RBFOX1: variants seen among roughly 807,000 people sequenced by gnomAD.
RBFOX1 encodes the protein RNA binding protein fox-1 homolog 1.
A neutral mutation model predicts 57.7 loss-of-function variants in RBFOX1; 8 were observed. The ratio of observed to expected loss-of-function variants is 0.14; its 90% CI spans 0.08 to 0.25. RBFOX1 has a LOEUF of 0.25. Ranked by LOEUF, RBFOX1 falls within the 10% of genes least tolerant of loss-of-function variation. The pLI is 1.00. For missense variants in RBFOX1, 611 were observed against 548.5 expected, an observed-to-expected ratio of 1.11 and a Z score of -1.14; for synonymous variants, 326 against 222.4, an observed-to-expected ratio of 1.47 and a Z score of -4.15.
At chr16:6,722,079 TG>T in intron 3 of RBFOX1, 1 of 152,330 alleles carries the variant, frequency 6.6e-6, no homozygotes, top group Non-Finnish European at 1.5e-5. Context: ...CTTTCACCTT[TG>T]GGCTATTATG....
intron 3 of RBFOX1, among the ~76,000 whole-genome samples, chr16:7,021,875 TTCTCTCTC>T (rs1247594461): frequency 6.6e-6 from 1 of 150,906 alleles, no homozygotes; most frequent in East Asian, 2.0e-4. Context: ...AGAACCTTCT[TTCTCTCTC>T]TTTCTTTCTT....
chr16:6,912,004 T>C (rs1343966781), intron 3 of RBFOX1, among the ~76,000 whole-genome samples: 5 of 152,172 alleles, frequency 3.3e-5, no homozygotes, highest in Admixed American at 2.0e-4. Flanking sequence ...TTAAGTAGAG[T>C]AAGATGCATT....
chr16:5,850,285 AG>A (rs2056862863), intron 3 of RBFOX1, among the ~76,000 whole-genome samples: 1 of 152,212 alleles, frequency 6.6e-6, no homozygotes, highest in Admixed American at 6.5e-5. Flanking sequence ...GTGGAGTGAG[AG>A]AAAGGGAAAA....
chr16:6,827,293 C>T (rs2092276104), intron 3 of RBFOX1, among the ~76,000 whole-genome samples: 1 of 151,976 alleles, frequency 6.6e-6, no homozygotes, highest in African/African-American at 2.4e-5. Context: ...TGCTGTCCTC[C>T]AAACCAGGCG....
intron 1 of RBFOX1, among the ~76,000 whole-genome samples, chr16:6,312,998 G>T (rs12932520): frequency 1.3e-5 from 2 of 151,968 alleles, no homozygotes; most frequent in African/African-American, 2.4e-5. Context: ...TGAAGAAAGG[G>T]TGATGGGCTC....
At chr16:5,296,084 CT>C (rs34360119) in intron 1 of RBFOX1, among the ~76,000 whole-genome samples, 87,138 of 152,014 alleles carry the variant, frequency 0.57, 27,642 homozygotes, top group South Asian at 0.74. Flanking sequence ...CGGGTTCCCC[CT>C]GAGCTTCTCC....
intron 3 of RBFOX1, among the ~76,000 whole-genome samples, chr16:5,770,920 C>T (rs535172000): frequency 6.6e-6 from 1 of 152,190 alleles, no homozygotes; most frequent in Non-Finnish European, 1.5e-5. Context: ...GCAAGACAGG[C>T]ACAACCAGTT....
intron 3 of RBFOX1, among the ~76,000 whole-genome samples, chr16:6,662,608 C>A (rs1042064579): frequency 6.6e-6 from 1 of 151,892 alleles, no homozygotes; most frequent in Non-Finnish European, 1.5e-5. Flanking sequence ...TCAACTATTT[C>A]TCAGACCTTG....
At chr16:6,985,225 G>C (rs2089982489) in intron 3 of RBFOX1, among the ~76,000 whole-genome samples, 1 of 147,458 alleles carries the variant, frequency 6.8e-6, no homozygotes, top group Non-Finnish European at 1.5e-5. Flanking sequence ...TTTTTCTCTG[G>C]CCTCTTGTCT....
At chr16:6,903,368 C>T (rs922573761) in intron 3 of RBFOX1, among the ~76,000 whole-genome samples, 1 of 152,164 alleles carries the variant, frequency 6.6e-6, no homozygotes, top group Non-Finnish European at 1.5e-5. Flanking sequence ...GATGGGAAAC[C>T]ATTGCACAGA....
chr16:6,437,245 A>G (rs1203047778), intron 2 of RBFOX1, among the ~76,000 whole-genome samples: 1 of 152,248 alleles, frequency 6.6e-6, no homozygotes, highest in Non-Finnish European at 1.5e-5. Context: ...CACATACTCC[A>G]GTAATTCCCT....
intron 10 of RBFOX1, chr16:7,614,572 G>T (rs754154508): frequency 6.6e-6 from 1 of 152,168 alleles, no homozygotes; most frequent in African/African-American, 2.4e-5. Context: ...AGTCTGTCAA[G>T]AACTGCTCCC....
chr16:6,966,641 G>T (rs1268016160), intron 3 of RBFOX1, among the ~76,000 whole-genome samples: 1 of 152,184 alleles, frequency 6.6e-6, no homozygotes, highest in African/African-American at 2.4e-5. Flanking sequence ...AGGCAAGGTG[G>T]AATGATGTTG....
chr16:7,159,704 G>A (rs1403491679), intron 4 of RBFOX1, among the ~76,000 whole-genome samples: 3 of 152,168 alleles, frequency 2.0e-5, no homozygotes, highest in Admixed American at 2.0e-4. Flanking sequence ...AAGTACAAAT[G>A]TGGCTGGCTA....
At chr16:7,235,072 G>A (rs1301013645) in intron 4 of RBFOX1, among the ~76,000 whole-genome samples, 1 of 152,140 alleles carries the variant, frequency 6.6e-6, no homozygotes, top group Non-Finnish European at 1.5e-5. Context: ...ACAAGCTTCA[G>A]TGGAAGGAAG....
At chr16:6,615,219 T>C (rs2098125124) in intron 2 of RBFOX1, among the ~76,000 whole-genome samples, 1 of 152,200 alleles carries the variant, frequency 6.6e-6, no homozygotes, top group South Asian at 2.1e-4. Context: ...GAAAACTTCT[T>C]ATACAGAGAA....
intron 2 of RBFOX1, among the ~76,000 whole-genome samples, chr16:6,453,252 T>C (rs1348725415): frequency 6.6e-6 from 1 of 152,112 alleles, no homozygotes; most frequent in Non-Finnish European, 1.5e-5. Flanking sequence ...CCTAATGCCA[T>C]CCCTCCTCTA....
chr16:7,641,784 C>T (rs2062842611), intron 11 of RBFOX1, among the ~76,000 whole-genome samples: 1 of 152,164 alleles, frequency 6.6e-6, no homozygotes, highest in South Asian at 2.1e-4. Context: ...TAGACTAGTG[C>T]TGTGACCTTG....
chr16:6,567,124 C>G (rs1600097500), intron 2 of RBFOX1, among the ~76,000 whole-genome samples: 1 of 152,178 alleles, frequency 6.6e-6, no homozygotes, highest in African/African-American at 2.4e-5. Flanking sequence ...CCAGATTTCT[C>G]TGCATCGCCT....
Sources: gnomAD v4.1 joint callset for allele counts (sites outside exome capture counted in the v4.1 genomes callset) on GRCh38, gnomAD v4.1.1 for gene constraint, MANE v1.5 for transcripts, NCBI Gene and HGNC (gene_info 2026-07-23, HGNC 2026-07-21) for gene names.